The following SORBS2 variants were observed in gnomAD, a reference collection of about 807,000 sequenced individuals.
SORBS2 encodes the protein sorbin and SH3 domain-containing protein 2.
A neutral mutation model predicts 97.7 loss-of-function variants in SORBS2; 46 were observed. The observed-to-expected ratio is 0.47, with a 90% confidence interval of 0.37 to 0.60. The LOEUF is 0.60. Among genes scored for constraint, SORBS2 ranks in the 20% least tolerant of loss-of-function variants. SORBS2 has a pLI of 0.00. For missense variants in SORBS2, 1,316 were observed against 1,282.3 expected (o/e 1.03, Z -0.40); for synonymous variants, 476 against 473.4 (o/e 1.01, Z -0.07).
chr4:185,622,774 C>T (rs1352350116), intron 7 of SORBS2, 140 bp downstream of exon 19: 3 of 736,458 alleles, frequency 4.1e-6, no homozygotes, highest in African/African-American at 1.7e-5. Flanking sequence ...CATATTTGCA[C>T]AACAAGTTTT....
intron 2 of SORBS2, among the ~76,000 whole-genome samples, chr4:185,704,892 G>C (rs2098321163): frequency 6.6e-6 from 1 of 152,220 alleles, no homozygotes; most frequent in Non-Finnish European, 1.5e-5. Context: ...GGGCAGATGG[G>C]AGTCTCTGAC....
At chr4:185,786,548 G>A (rs571887498) in intron 1 of SORBS2, among the ~76,000 whole-genome samples, 20 of 152,306 alleles carry the variant, frequency 1.3e-4, no homozygotes, top group African/African-American at 4.8e-4. Flanking sequence ...ACATTCCAAG[G>A]AAAGAACTGA....
Position 185,692,116 on chromosome 4 carries a change from A to T in SORBS2, c.-197-13294T>A, listed in dbSNP as rs559752206. 2.0e-5 allele frequency among the ~76,000 whole-genome samples: 3 copies of T among 152,304 alleles called. No individual in the cohort carries two copies. In the East Asian group the frequency reaches 5.8e-4, roughly 29 times the overall value. On this transcript the variant is annotated intron_variant, in intron 2 of 20. Coordinates refer to the SORBS2 transcript ENST00000284776. ...TTTATGGAGTTTCTTATTTACCCATACCCTGAAACCAAAGAGGAAAGACAC... is the reference window on the plus strand; with the variant it reads ...TTTATGGAGTTTCTTATTTACCCATTCCCTGAAACCAAAGAGGAAAGACAC...
At chr4:185,742,489 C>A (rs1048770334) in intron 2 of SORBS2, among the ~76,000 whole-genome samples, 1 of 152,198 alleles carries the variant, frequency 6.6e-6, no homozygotes, top group Non-Finnish European at 1.5e-5. Flanking sequence ...CCCAGACATA[C>A]GGATCCAGAA....
intron 1 of SORBS2, among the ~76,000 whole-genome samples, chr4:185,814,666 TC>T (rs1377213059): frequency 6.6e-6 from 1 of 152,206 alleles, no homozygotes; most frequent in Non-Finnish European, 1.5e-5. Context: ...CAATTCCTGC[TC>T]CTCCAAAGAG....
intron 4 of SORBS2, among the ~76,000 whole-genome samples, chr4:185,673,962 C>T (rs1582440894): frequency 1.3e-5 from 2 of 152,192 alleles, no homozygotes; most frequent in African/African-American, 4.8e-5. Context: ...ACACTGCTTT[C>T]AGTCTCCTCC....
chr4:185,626,056 A>G (rs1162262402), intron 6 of SORBS2, among the ~76,000 whole-genome samples: 2 of 152,224 alleles, frequency 1.3e-5, no homozygotes, highest in East Asian at 3.8e-4. Context: ...GGCTGGTTCA[A>G]TCCTCACTCT....
intron 4 of SORBS2, 103 bp downstream of exon 15, chr4:185,637,976 G>A (rs922304585): frequency 6.6e-6 from 5 of 760,828 alleles, no homozygotes; most frequent in Middle Eastern, 2.5e-4. Flanking sequence ...TATGCATTCG[G>A]CCTTTGTTCT....
At chr4:185,835,545 G>A (rs1434350527) in intron 1 of SORBS2, among the ~76,000 whole-genome samples, 4 of 151,952 alleles carry the variant, frequency 2.6e-5, no homozygotes, top group South Asian at 4.1e-4. Context: ...ATGTGCTTAC[G>A]TAAGTAAAAA....
rs541537987 is a variant in SORBS2, at chr4:185,885,937, C to G, written c.-338+70259G>C. Among the ~76,000 whole-genome samples, 12 of 152,314 alleles carry G rather than the reference C, an allele frequency of 7.9e-5. No individual in the cohort carries two copies. In the South Asian group the frequency reaches 2.1e-3, roughly 26 times the overall value. ...TTGATGCGTAGGTGCCAACAGGCAA[C>G]TTTCTCAGGTTGTCACCCTATTTAA... On this transcript the variant is annotated intron_variant, in intron 1 of 20. Transcript: ENST00000284776.
chr4:185,734,519 A>G (rs1184103726), intron 2 of SORBS2, among the ~76,000 whole-genome samples: 1 of 152,126 alleles, frequency 6.6e-6, no homozygotes, highest in East Asian at 1.9e-4. Flanking sequence ...CCCCTATTTC[A>G]TACAAAATTC....
chr4:185,692,541 T>C (rs758982383), intron 2 of SORBS2, among the ~76,000 whole-genome samples: 35 of 152,340 alleles, frequency 2.3e-4, no homozygotes, highest in Admixed American at 6.5e-4. Context: ...TATTATTTTC[T>C]TTCAATGTGG....
intron 2 of SORBS2, 59 bp downstream of exon 11, chr4:185,651,725 G>A (rs368297589): frequency 1.3e-4 from 117 of 935,760 alleles, no homozygotes; most frequent in African/African-American, 6.5e-4. Context: ...TGACCGTGTC[G>A]TTCTTCCAAA....
intron 1 of SORBS2, among the ~76,000 whole-genome samples, chr4:185,793,603 A>AT (rs1037461445): frequency 1.2e-4 from 19 of 152,106 alleles, no homozygotes; most frequent in South Asian, 4.2e-4. Context: ...TATTCTGTGT[A>AT]TTTTTTTATT....
intron 2 of SORBS2, among the ~76,000 whole-genome samples, chr4:185,749,753 T>G (rs1562280213): frequency 6.6e-6 from 1 of 152,256 alleles, no homozygotes; most frequent in East Asian, 1.9e-4. Flanking sequence ...TGAAATAGTT[T>G]CAGTTGCTCA....
At chr4:185,697,684 T>C (rs1163864000) in intron 2 of SORBS2, among the ~76,000 whole-genome samples, 1 of 152,180 alleles carries the variant, frequency 6.6e-6, no homozygotes, top group Non-Finnish European at 1.5e-5. Flanking sequence ...GTCTATAAAA[T>C]GTCACATAAC....
In SORBS2 at chr4:185,623,979, A is replaced by G. The variant is rs746280249; in HGVS notation, c.1150T>C (p.Tyr384His). Residue 384 changes from tyrosine (Y) to histidine (H), a missense_variant, in exon 7 of 15, where the codon TAC (tyrosine) becomes CAC (histidine). By Grantham distance (83) the Tyr-to-His change is moderately conservative (BLOSUM62 2). Coordinates refer to ENST00000418609, the Ensembl canonical transcript of SORBS2. The surrounding 1 kb of genome is among the most constrained non-coding windows in gnomAD (Gnocchi z 6.4). ...TCCTTGTGCTGCTGCTCGCTCTCGTACTGCAGAATCCTGGACTTCACGGAG... is the reference window on the plus strand; with the variant it reads ...TCCTTGTGCTGCTGCTCGCTCTCGTGCTGCAGAATCCTGGACTTCACGGAG... 1 of 1,614,152 alleles carries G rather than the reference A, an allele frequency of 6.2e-7. No individual in the cohort carries two copies. The highest frequency in any genetic ancestry group is 8.5e-7 in the Non-Finnish European group (1 of 1,180,028).
intron 1 of SORBS2, among the ~76,000 whole-genome samples, chr4:185,878,423 C>T (rs2099234891): frequency 6.6e-6 from 1 of 152,150 alleles, no homozygotes; most frequent in Non-Finnish European, 1.5e-5. Context: ...CGTCCCTCCG[C>T]CTTATTTCCC....
chr4:185,661,100 C>T (rs574328456), upstream of SORBS2, among the ~76,000 whole-genome samples: 4 of 147,714 alleles, frequency 2.7e-5, no homozygotes, highest in East Asian at 2.0e-4. Flanking sequence ...CATGGTGAAA[C>T]CCCCTGTCTG....
Sources: gnomAD v4.1 joint callset for allele counts (sites outside exome capture counted in the v4.1 genomes callset) on GRCh38, gnomAD v4.1.1 for gene constraint, Gnocchi (gnomAD v3.1) non-coding constraint, MANE v1.5 for transcripts, NCBI Gene and HGNC (gene_info 2026-07-23, HGNC 2026-07-21) for gene names.